Variants in DCC observed in about 807,000 individuals in gnomAD.
DCC encodes netrin receptor DCC.
In DCC, 58 loss-of-function variants were observed where a neutral mutation model predicts 172.5. The ratio of observed to expected loss-of-function variants is 0.34; its 90% CI spans 0.27 to 0.42. DCC has a LOEUF of 0.42. Among genes scored for constraint, DCC ranks in the 10% least tolerant of loss-of-function variants. DCC has a pLI of 1.00. For synonymous variants in DCC, 709 were observed against 644.5 expected (o/e 1.10, Z -1.52); for missense variants, 1,740 against 1,791.0 (o/e 0.97, Z 0.51).
chr18:52,996,003 T>C (rs183786550), intron 5 of DCC, among the ~76,000 whole-genome samples: 1 of 152,138 alleles, frequency 6.6e-6, no homozygotes, highest in African/African-American at 2.4e-5. Context: ...ACCACTTTAG[T>C]GTCCAGCTTT....
At chr18:53,012,736 A>G (rs2041748775) in intron 5 of DCC, among the ~76,000 whole-genome samples, 1 of 152,128 alleles carries the variant, frequency 6.6e-6, no homozygotes, top group Non-Finnish European at 1.5e-5. Flanking sequence ...GAGGGTTTTT[A>G]TCAGCATTGA....
At chr18:52,504,260 G>A (rs1394537787) in intron 1 of DCC, among the ~76,000 whole-genome samples, 3 of 152,122 alleles carry the variant, frequency 2.0e-5, no homozygotes, top group African/African-American at 7.2e-5. Flanking sequence ...TTTGACAGAT[G>A]TATTCTCTGG....
chr18:53,259,328 T>C (rs2144677623), intron 12 of DCC, among the ~76,000 whole-genome samples: 1 of 152,360 alleles, frequency 6.6e-6, no homozygotes, highest in African/African-American at 2.4e-5. Flanking sequence ...CAATTTGGGA[T>C]GTTTTTGCAG....
chr18:53,349,237 G>C (rs2057760109), intron 15 of DCC, among the ~76,000 whole-genome samples: 1 of 152,126 alleles, frequency 6.6e-6, no homozygotes, highest in South Asian at 2.1e-4. Context: ...GATGCCACCA[G>C]TCTCTTTGCC....
chr18:52,667,853 T>C (rs1279941979), intron 1 of DCC, among the ~76,000 whole-genome samples: 2 of 152,196 alleles, frequency 1.3e-5, no homozygotes, highest in Admixed American at 6.5e-5. Context: ...CATCTGTCAG[T>C]AGGCCTTGAT....
At chr18:53,394,447 AT>A (rs1908783246) in intron 17 of DCC, among the ~76,000 whole-genome samples, 1 of 152,246 alleles carries the variant, frequency 6.6e-6, no homozygotes, top group Non-Finnish European at 1.5e-5. Context: ...TCATGTTTTG[AT>A]TGTCTAAAAC....
chr18:52,364,035 G>A (rs1374555519), intron 1 of DCC, among the ~76,000 whole-genome samples: 1 of 152,178 alleles, frequency 6.6e-6, no homozygotes, highest in African/African-American at 2.4e-5. Flanking sequence ...ACCTAAGCAG[G>A]TTGGTGTTCC....
intron 13 of DCC, among the ~76,000 whole-genome samples, chr18:53,309,964 G>GTGTATATATATATATATA (rs371302546): frequency 3.6e-5 from 5 of 137,352 alleles, no homozygotes; most frequent in African/African-American, 1.4e-4. Context: ...ATACGTGTGT[G>GTGTATATATATATATATA]TATATATATA....
rs2034241487 is a variant in DCC at position 52,610,181 on chromosome 18, ATATATATATATATATATATAT to A, written c.92-141872_92-141852del. Among the ~76,000 whole-genome samples the A allele has an allele frequency of 2.0e-3, 20 of 9,900 alleles. 5 individuals carry two copies. The highest frequency in any genetic ancestry group is 5.9e-3 in the African/African-American group (12 of 2,050). The allele number at this position is 9,900 out of a possible 152,430, so 6.5% of individuals were successfully genotyped here. On this transcript the variant is annotated intron_variant, in intron 1 of 28. Coordinates refer to ENST00000442544, the MANE Select transcript of DCC (RefSeq NM_005215.4). Reference sequence around the variant, plus strand: ...AAAAAAAAAAAAAAAAAAAAAAAATATATATATATATATATATATATATATATATATATATATATATATATA... The same window carrying A: ...AAAAAAAAAAAAAAAAAAAAAAAATAATATATATATATATATATATATATA...
intron 5 of DCC, among the ~76,000 whole-genome samples, chr18:52,985,425 G>A (rs930870007): frequency 1.3e-5 from 2 of 152,100 alleles, no homozygotes; most frequent in African/African-American, 2.4e-5. Flanking sequence ...TACTGCTGAT[G>A]AGAAAGATAG....
intron 5 of DCC, among the ~76,000 whole-genome samples, chr18:52,971,577 T>A (rs936191066): frequency 2.0e-5 from 3 of 151,196 alleles, no homozygotes; most frequent in Non-Finnish European, 2.9e-5. Context: ...GCAGAGGAGA[T>A]TATAGACTGA....
chr18:53,466,971 T>C (rs2045629371), intron 24 of DCC, among the ~76,000 whole-genome samples: 1 of 152,172 alleles, frequency 6.6e-6, no homozygotes, highest in African/African-American at 2.4e-5. Flanking sequence ...GTAATTATGC[T>C]GTTAATTTTT....
chr18:52,753,857 GT>G (rs1229832415), intron 2 of DCC, among the ~76,000 whole-genome samples: 1 of 151,874 alleles, frequency 6.6e-6, no homozygotes, highest in African/African-American at 2.4e-5. Flanking sequence ...TGAAGAATCA[GT>G]TTTTTTACTT....
chr18:52,907,706 G>A (rs1356196306), intron 3 of DCC, among the ~76,000 whole-genome samples: 1 of 152,122 alleles, frequency 6.6e-6, no homozygotes, highest in Non-Finnish European at 1.5e-5. Context: ...ACAGGCGTGA[G>A]CCACTGTGCC....
chr18:52,439,260 C>G (rs1402763393), intron 1 of DCC, among the ~76,000 whole-genome samples: 1 of 148,078 alleles, frequency 6.8e-6, no homozygotes, highest in African/African-American at 2.5e-5. Flanking sequence ...TCTCTTACTA[C>G]AGTGATCTAG....
chr18:53,526,676 A>G lies in DCC; in HGVS notation c.4171A>G (p.Arg1391Gly). ...CTCCCTTGGGTTGGCTGGAAAAGCA[A>G]GATCCCCTTTGCTTCCTGTGTCTGT... The part of the protein sequence containing the change: ...TASLGLAGKA[R>G]SPLLPVSVPT... The change falls in exon 28 of 29, where the codon AGA becomes GGA. Residue 1391 changes from arginine to glycine, a missense_variant. Transcript: ENST00000442544. The G allele has an allele frequency of 6.2e-7, 1 of 1,613,606 alleles. No individual in the cohort carries two copies. Among genetic ancestry groups the G allele is most frequent in the Non-Finnish European group, 8.5e-7 (1 of 1,179,700 alleles).
chr18:52,453,548 G>A (rs905429813), intron 1 of DCC, among the ~76,000 whole-genome samples: 2 of 152,144 alleles, frequency 1.3e-5, no homozygotes, highest in African/African-American at 4.8e-5. Context: ...AATTAAGCAT[G>A]CATTTCTGCA....
intron 2 of DCC, among the ~76,000 whole-genome samples, chr18:52,817,230 C>A (rs2038316890): frequency 6.6e-6 from 1 of 151,930 alleles, no homozygotes; most frequent in Non-Finnish European, 1.5e-5. Context: ...ATTGATCAGG[C>A]CAATCACTTT....
intron 13 of DCC, among the ~76,000 whole-genome samples, chr18:53,307,137 T>C (rs1369863235): frequency 6.6e-6 from 1 of 152,236 alleles, no homozygotes; most frequent in Middle Eastern, 3.2e-3. Context: ...TTTATGCCTA[T>C]ATAATTTTAG....
Sources: allele counts gnomAD v4.1 joint callset (sites outside exome capture counted in the v4.1 genomes callset), GRCh38; gene constraint gnomAD v4.1.1; transcripts MANE v1.5; gene names NCBI Gene and HGNC (gene_info 2026-07-23, HGNC 2026-07-21).